PRKAR1A: variants seen among roughly 807,000 people sequenced by gnomAD.
PRKAR1A encodes cAMP-dependent protein kinase type I-alpha regulatory subunit.
PRKAR1A carries 3 observed loss-of-function variants against 52.0 expected under a neutral mutation model. That is an observed-to-expected ratio of 0.06 (90% CI 0.03 to 0.15). The LOEUF is 0.15. PRKAR1A is among the 10% of genes least tolerant of loss of function. The pLI is 1.00. For synonymous variants in PRKAR1A, 188 were observed against 168.4 expected (o/e 1.12, Z -0.90); for missense variants, 240 against 477.4 (o/e 0.50, Z 4.63).
At chr17:68,490,484 G>C in the PRKAR1A span, among the ~76,000 whole-genome samples, 1 of 152,218 alleles carries the variant, frequency 6.6e-6, no homozygotes, top group Non-Finnish European at 1.5e-5. Flanking sequence ...AAAAGACAGA[G>C]GAGGCTAATC....
chr17:68,468,154 A>G, the PRKAR1A span, among the ~76,000 whole-genome samples: 78 of 152,312 alleles, frequency 5.1e-4, 1 homozygote, highest in Admixed American at 4.6e-3. Flanking sequence ...GAGTGGGGCC[A>G]ATCATGCAGA....
At chr17:68,475,434 A>G in the PRKAR1A span, among the ~76,000 whole-genome samples, 1 of 152,216 alleles carries the variant, frequency 6.6e-6, no homozygotes, top group Non-Finnish European at 1.5e-5. Flanking sequence ...CCTGCTGTAT[A>G]GCTTCATCCT....
At chr17:68,511,421 G>A (rs1174483895), upstream of PRKAR1A, among the ~76,000 whole-genome samples, 1 of 152,130 alleles carries the variant, frequency 6.6e-6, no homozygotes, top group Non-Finnish European at 1.5e-5. Flanking sequence ...GAGTAAAGTC[G>A]CTTTTCCTCC....
chr17:68,535,695 A>G (rs934601029), downstream of PRKAR1A: 44 of 446,122 alleles, frequency 9.9e-5, no homozygotes, highest in Admixed American at 1.1e-3. Flanking sequence ...ATTTTTTTGT[A>G]GAGACAGGGT....
At chr17:68,459,308 C>T in the PRKAR1A span, among the ~76,000 whole-genome samples, 1 of 152,194 alleles carries the variant, frequency 6.6e-6, no homozygotes, top group African/African-American at 2.4e-5. Context: ...TAGAATCTGG[C>T]ATGCTAGGTG....
the PRKAR1A span, among the ~76,000 whole-genome samples, chr17:68,474,550 G>C: frequency 1.3e-5 from 2 of 152,162 alleles, no homozygotes; most frequent in Non-Finnish European, 2.9e-5. Context: ...GTGGTCAGCA[G>C]TGCACCGTGT....
chr17:68,498,470 G>T, the PRKAR1A span, among the ~76,000 whole-genome samples: 3 of 152,172 alleles, frequency 2.0e-5, no homozygotes, highest in Admixed American at 2.0e-4. Context: ...TGACAGAATA[G>T]GTTCTGGTTG....
chr17:68,535,465 T>C (rs2086073299), downstream of PRKAR1A: 1 of 454,064 alleles, frequency 2.2e-6, no homozygotes, highest in Non-Finnish European at 4.4e-6. Context: ...CCAAACCATT[T>C]TGTGCTATTC....
the PRKAR1A span, among the ~76,000 whole-genome samples, chr17:68,495,318 C>T: frequency 6.6e-6 from 1 of 152,214 alleles, no homozygotes; most frequent in Non-Finnish European, 1.5e-5. Context: ...CAGGTGAAAG[C>T]CATCATACCT....
the PRKAR1A span, among the ~76,000 whole-genome samples, chr17:68,470,144 G>C: frequency 1.3e-4 from 20 of 150,916 alleles, 1 homozygote; most frequent in African/African-American, 3.9e-4. Flanking sequence ...GTGCAGTTGC[G>C]TGACCTCGGC....
At chr17:68,439,917 C>T in the PRKAR1A span, among the ~76,000 whole-genome samples, 1 of 152,130 alleles carries the variant, frequency 6.6e-6, no homozygotes, top group Non-Finnish European at 1.5e-5. Context: ...GAGAGCTAAG[C>T]AGTCTTGGAG....
At chr17:68,462,370 G>A in the PRKAR1A span, among the ~76,000 whole-genome samples, 1 of 152,160 alleles carries the variant, frequency 6.6e-6, no homozygotes, top group African/African-American at 2.4e-5. Context: ...GTTCAATCAA[G>A]GTGTTTTTGT....
the PRKAR1A span, chr17:68,421,738 G>C: frequency 1.9e-6 from 3 of 1,612,986 alleles, no homozygotes; most frequent in Admixed American, 3.3e-5. Context: ...CCACCTGATA[G>C]GGGGGATGTC....
the PRKAR1A span, chr17:68,434,513 C>G: frequency 4.4e-6 from 7 of 1,608,736 alleles, no homozygotes; most frequent in African/African-American, 2.7e-5. Flanking sequence ...CCCTGCGGGA[C>G]TTCTGCGGGG....
the PRKAR1A span, among the ~76,000 whole-genome samples, chr17:68,423,342 G>C: frequency 6.6e-6 from 1 of 152,144 alleles, no homozygotes; most frequent in East Asian, 1.9e-4. This position sits in a 1 kb window ranked among gnomAD's most constrained non-coding sequence, Gnocchi z 4.4. Flanking sequence ...GCATGCCTCT[G>C]GTCCTTACAT....
chr17:68,420,141 G>C, the PRKAR1A span: 212 of 1,600,892 alleles, frequency 1.3e-4, no homozygotes, highest in Middle Eastern at 2.1e-4. Context: ...TTACAACACA[G>C]GGCAACTGTC....
downstream of PRKAR1A, chr17:68,535,898 G>T (rs571516105): frequency 2.2e-6 from 1 of 453,980 alleles, no homozygotes; most frequent in Non-Finnish European, 4.4e-6. Context: ...CTTTGGAATA[G>T]GTCTAAACCA....
At chr17:68,471,302 G>T in the PRKAR1A span, among the ~76,000 whole-genome samples, 1 of 152,172 alleles carries the variant, frequency 6.6e-6, no homozygotes, top group East Asian at 1.9e-4. Context: ...GGTGGCTCAA[G>T]TTCTACAGTA....
the PRKAR1A span, chr17:68,425,800 G>A: frequency 7.5e-5 from 27 of 360,046 alleles, no homozygotes; most frequent in Non-Finnish European, 1.1e-4. Flanking sequence ...GTAAGGGATC[G>A]CAGGCCTCTG....
Sources: allele counts gnomAD v4.1 joint callset (sites outside exome capture counted in the v4.1 genomes callset), GRCh38; gene constraint gnomAD v4.1.1; non-coding constraint Gnocchi (gnomAD v3.1); transcripts MANE v1.5; gene names NCBI Gene and HGNC (gene_info 2026-07-23, HGNC 2026-07-21).